Variants in CDK6 observed in about 807,000 individuals in gnomAD.
CDK6 encodes cyclin-dependent kinase 6.
In CDK6, 6 loss-of-function variants were observed where a neutral mutation model predicts 37.1. That is an observed-to-expected ratio of 0.16 (90% CI 0.09 to 0.32). The LOEUF (loss-of-function observed/expected upper bound fraction) is 0.32. Among genes scored for constraint, CDK6 ranks in the 10% least tolerant of loss-of-function variants. CDK6 has a pLI of 1.00. For missense variants in CDK6, 224 were observed against 418.9 expected (o/e 0.53, Z 4.06); for synonymous variants, 160 against 161.3 (o/e 0.99, Z 0.06).
intron 3 of CDK6, among the ~76,000 whole-genome samples, chr7:92,762,116 G>C (rs1562958202): frequency 6.6e-6 from 1 of 152,096 alleles, no homozygotes; most frequent in African/African-American, 2.4e-5. Context: ...AGGACTTGAG[G>C]TTTACAAGAT....
intron 3 of CDK6, among the ~76,000 whole-genome samples, chr7:92,773,307 C>T (rs74835730): frequency 3.9e-4 from 60 of 152,226 alleles, no homozygotes; most frequent in African/African-American, 1.2e-3. Flanking sequence ...GCTTTTGAGA[C>T]GGCACTTGAA....
chr7:92,774,943 T>G, intron 2 of CDK6, 112 bp from the exon 3 acceptor site: 1 of 918,566 alleles, frequency 1.1e-6, no homozygotes, highest in African/African-American at 1.7e-5. Context: ...AGGCCAGTGT[T>G]GATCATTTCT....
Position 92,762,621 on chromosome 7 carries a change from G to A in CDK6, c.369+12075C>T, listed in dbSNP as rs146655131. Among the ~76,000 whole-genome samples, 302 of 148,532 alleles carry A rather than the reference G, an allele frequency of 2.0e-3. 3 individuals are homozygous for A. Among genetic ancestry groups the A allele is most frequent in the African/African-American group, 6.8e-3 (274 of 40,124 alleles). ...CTCGCTCTGTCACCCAGGCTGTAGC[G>A]CAGTGGCACAATCTCGGCTCACTGC... On this transcript the variant is annotated intron_variant, in intron 3 of 7. Coordinates refer to ENST00000424848, the MANE Select transcript of CDK6 (RefSeq NM_001145306.2).
At chr7:92,811,061 A>T (rs1252797961) in intron 2 of CDK6, among the ~76,000 whole-genome samples, 2 of 152,026 alleles carry the variant, frequency 1.3e-5, no homozygotes, top group East Asian at 3.8e-4. Context: ...GCGCCAAAGA[A>T]AAAAAAAGGC....
intron 4 of CDK6, among the ~76,000 whole-genome samples, chr7:92,675,043 A>G (rs1797172928): frequency 6.6e-6 from 1 of 152,182 alleles, no homozygotes; most frequent in African/African-American, 2.4e-5. Context: ...CATGTTGGCC[A>G]GGCTGGTCAT....
At chr7:92,789,656 T>C (rs1195602885) in intron 2 of CDK6, among the ~76,000 whole-genome samples, 2 of 152,328 alleles carry the variant, frequency 1.3e-5, no homozygotes, top group Non-Finnish European at 2.9e-5. Context: ...TTGAAACTGC[T>C]CATATCTTGA....
chr7:92,798,065 T>C (rs1216557573), intron 2 of CDK6, among the ~76,000 whole-genome samples: 1 of 152,220 alleles, frequency 6.6e-6, no homozygotes, highest in Non-Finnish European at 1.5e-5. Context: ...TCCTGAATGA[T>C]GACTTGACTT....
chr7:92,772,394 C>T (rs143371252), intron 3 of CDK6, among the ~76,000 whole-genome samples: 4 of 152,038 alleles, frequency 2.6e-5, no homozygotes, highest in Non-Finnish European at 5.9e-5. Flanking sequence ...CCCCTTGCCC[C>T]CAACTCCACC....
At chr7:92,666,954 T>C (rs903235956) in intron 5 of CDK6, among the ~76,000 whole-genome samples, 3 of 152,112 alleles carry the variant, frequency 2.0e-5, no homozygotes, top group African/African-American at 7.2e-5. Flanking sequence ...GAAGAAGGCA[T>C]TGTTATCACA....
At chr7:92,729,950 G>A (rs1033903937) in intron 3 of CDK6, among the ~76,000 whole-genome samples, 2 of 152,192 alleles carry the variant, frequency 1.3e-5, no homozygotes, top group African/African-American at 4.8e-5. Flanking sequence ...ATGTTGCCCA[G>A]GCTGGTCTTG....
At chr7:92,726,657 T>C (rs762335527) in intron 3 of CDK6, among the ~76,000 whole-genome samples, 24 of 152,202 alleles carry the variant, frequency 1.6e-4, no homozygotes, top group Non-Finnish European at 3.2e-4. Flanking sequence ...GCTATTCTCC[T>C]GCCTCAGCCT....
chr7:92,765,082 G>GC (rs1442190624), intron 3 of CDK6, among the ~76,000 whole-genome samples: 1 of 152,070 alleles, frequency 6.6e-6, no homozygotes, highest in East Asian at 1.9e-4. Flanking sequence ...GAAGCTTCTA[G>GC]TTCTCGTGAT....
At chr7:92,668,495 GA>G (rs1190558178) in intron 5 of CDK6, among the ~76,000 whole-genome samples, 1 of 152,178 alleles carries the variant, frequency 6.6e-6, no homozygotes, top group Non-Finnish European at 1.5e-5. Flanking sequence ...AGGTGATAAA[GA>G]AAGGACAAAA....
chr7:92,785,862 T>C (rs918462340), intron 2 of CDK6, among the ~76,000 whole-genome samples: 1 of 152,126 alleles, frequency 6.6e-6, no homozygotes, highest in Non-Finnish European at 1.5e-5. Context: ...CTTTACATGG[T>C]GGGCTGAAAA....
rs1035361445 is a variant in CDK6 at position 92,606,815 on chromosome 7, G to A, written c.*8325C>T. ...TTTAACACATCTCAAAATGATAATC[G>A]TATAAAACTTTCTAGTTCTAATTTG... On this transcript the variant is annotated 3_prime_UTR_variant, in exon 8 of 8. Coordinates refer to ENST00000424848, the MANE Select transcript of CDK6 (RefSeq NM_001145306.2). 3 of 232,824 alleles carry A rather than the reference G, an allele frequency of 1.3e-5. No homozygotes were observed. Among genetic ancestry groups the A allele is most frequent in the East Asian group, 6.1e-5 (1 of 16,470 alleles). 14.4% of individuals were successfully genotyped at this position (232,824 alleles called of 1,614,324 possible).
chr7:92,818,756 G>C (rs916369072), intron 2 of CDK6, among the ~76,000 whole-genome samples: 1 of 151,858 alleles, frequency 6.6e-6, no homozygotes, highest in Non-Finnish European at 1.5e-5. Flanking sequence ...TTTAAAAAAC[G>C]GTCAATTTGA....
chr7:92,801,431 G>T (rs1220681271), intron 2 of CDK6, among the ~76,000 whole-genome samples: 1 of 152,076 alleles, frequency 6.6e-6, no homozygotes, highest in African/African-American at 2.4e-5. Flanking sequence ...GAAATTACAG[G>T]GACATAGAAT....
chr7:92,740,710 T>C (rs1394621077), intron 3 of CDK6, among the ~76,000 whole-genome samples: 1 of 152,230 alleles, frequency 6.6e-6, no homozygotes, highest in African/African-American at 2.4e-5. Flanking sequence ...TCTACATTTG[T>C]ATCATGAGCC....
chr7:92,652,139 T>C (rs1430187403), intron 5 of CDK6, among the ~76,000 whole-genome samples: 2 of 152,244 alleles, frequency 1.3e-5, no homozygotes, highest in African/African-American at 4.8e-5. Context: ...CTTTTTGTAT[T>C]AATATAGATC....
Sources: gnomAD v4.1 joint callset for allele counts (sites outside exome capture counted in the v4.1 genomes callset) on GRCh38, gnomAD v4.1.1 for gene constraint, MANE v1.5 for transcripts, NCBI Gene and HGNC (gene_info 2026-07-23, HGNC 2026-07-21) for gene names.